CENPE: variants seen among roughly 807,000 people sequenced by gnomAD.
CENPE encodes the protein centromere-associated protein E.
Under a neutral mutation model 336.1 loss-of-function variants are expected in CENPE, and 145 were observed. The observed-to-expected ratio is 0.43, with a 90% confidence interval of 0.38 to 0.50. The LOEUF (loss-of-function observed/expected upper bound fraction) is 0.50, where lower values mean the gene tolerates loss of function less well. CENPE is among the 20% of genes least tolerant of loss of function. The pLI is 0.00. For missense variants in CENPE, 2,719 were observed against 3,023.3 expected (o/e 0.90, Z 2.36); for synonymous variants, 1,013 against 984.8 (o/e 1.03, Z -0.54).
chr4:103,169,267 A>G (rs939382120), intron 16 of CENPE, among the ~76,000 whole-genome samples: 1 of 152,144 alleles, frequency 6.6e-6, no homozygotes, highest in Non-Finnish European at 1.5e-5. Context: ...AAAAGGATGA[A>G]AAGGAATGAA....
Position 103,176,060 on chromosome 4 carries a change from GAA to G in CENPE, c.1391-14_1391-13del. 6 of 1,439,250 alleles carry G rather than the reference GAA, an allele frequency of 4.2e-6. No individual in the cohort carries two copies. Among genetic ancestry groups the G allele is most frequent in the Non-Finnish European group, 5.6e-6 (6 of 1,069,742 alleles). 89.2% of individuals were successfully genotyped at this position (1,439,250 alleles called of 1,614,324 possible). On this transcript the variant is annotated splice_polypyrimidine_tract_variant and intron_variant, in intron 14 of 48. Coordinates refer to ENST00000265148, the MANE Select transcript of CENPE (RefSeq NM_001813.3). Reference sequence around the variant, plus strand: ...CTCTGAACAGACAGCTATAATTAGAGAAAAAAAAAATTTGTCCATGAACATGT... The same window carrying G: ...CTCTGAACAGACAGCTATAATTAGAGAAAAAAAATTTGTCCATGAACATGT...
intron 8 of CENPE, among the ~76,000 whole-genome samples, chr4:103,186,270 G>A (rs545331582): frequency 5.1e-4 from 77 of 152,204 alleles, no homozygotes; most frequent in African/African-American, 1.5e-3. Context: ...CCTTTATTCA[G>A]TTAGTTCTAA....
At chr4:103,144,862 C>T (rs1258365669) in intron 32 of CENPE, among the ~76,000 whole-genome samples, 188 bp downstream of exon 32, 2 of 152,116 alleles carry the variant, frequency 1.3e-5, no homozygotes, top group African/African-American at 4.8e-5. Flanking sequence ...GAGCTGTCTT[C>T]TCTGAAATAT....
In CENPE at chr4:103,116,590, C is replaced by A; in HGVS notation, c.7429G>T (p.Glu2477Ter). 1 of 1,536,272 alleles carries A rather than the reference C, an allele frequency of 6.5e-7. No individual in the cohort carries two copies. Among genetic ancestry groups the A allele is most frequent in the Non-Finnish European group, 8.8e-7 (1 of 1,132,902 alleles). Reference sequence around the variant, plus strand: ...ACAAATACGTACTCCTTTTCAAATTCTTTGGCATTTTTCATTTTCTCTAGG... The same window carrying A: ...ACAAATACGTACTCCTTTTCAAATTATTTGGCATTTTTCATTTTCTCTAGG... ...IDLEKMKNAK[E>*]FEKEISATKA... Residue 2477 changes from glutamate to a stop codon, truncating the protein, a stop_gained, in exon 45 of 49, where the codon GAA becomes TAA. Transcript: ENST00000265148. LOFTEE classifies it high-confidence loss of function.
intron 26 of CENPE, among the ~76,000 whole-genome samples, chr4:103,150,660 T>C (rs959216868): frequency 6.6e-6 from 1 of 152,170 alleles, no homozygotes; most frequent in African/African-American, 2.4e-5. Context: ...TTATCTATTA[T>C]GCAAGTGGCA....
chr4:103,146,294 G>A (rs1753051365), intron 29 of CENPE, among the ~76,000 whole-genome samples, 187 bp from the exon 30 acceptor site: 1 of 152,318 alleles, frequency 6.6e-6, no homozygotes, highest in African/African-American at 2.4e-5. Context: ...AGGTCTCACT[G>A]TGTTGTCAGC....
At position 103,158,876 on chromosome 4, in the gene CENPE, T is replaced by C. The variant is rs151015099; in HGVS notation, c.2612A>G (p.Lys871Arg). 41 of 1,596,320 alleles carry C rather than the reference T, an allele frequency of 2.6e-5. No individual in the cohort carries two copies. In the African/African-American group the frequency reaches 4.9e-4, roughly 19 times the overall value. Reference sequence around the variant, plus strand: ...TGTTTTCTCCTGAAGTTCTTGGGTCTTGTAAGAAAGCTTTAAAAAAGAAAA... The same window carrying C: ...TGTTTTCTCCTGAAGTTCTTGGGTCCTGTAAGAAAGCTTTAAAAAAGAAAA... ...LGALKTELSY[K>R]TQELQEKTRE... Residue 871 changes from lysine (K) to arginine (R), a missense_variant, in exon 23 of 49, where the codon AAG becomes AGG. Lys to Arg is a conservative substitution (Grantham distance 26). Transcript: ENST00000265148.
rs1752575205 is a variant in CENPE, at chr4:103,141,688, C to G, written c.5463+62G>C. The G allele has an allele frequency of 2.5e-6, 3 of 1,217,200 alleles. No homozygotes were observed. The African/African-American group carries it at 4.6e-5, about 19-fold the overall frequency. The allele number at this position is 1,217,200 out of a possible 1,614,324, so 75.4% of individuals were successfully genotyped here. A position where few individuals can be genotyped will look rare whatever the true frequency, so the allele number is the denominator to read the frequency against. On this transcript the variant is annotated intron_variant, in intron 35 of 48. Coordinates refer to ENST00000265148, the MANE Select transcript of CENPE (RefSeq NM_001813.3). ...CAGTGTGGTTGAACCATTTTATATC[C>G]CCAACAATTTTAGGCACAAACAAAT... is the stretch of plus-strand genomic sequence containing the variant.
intron 11 of CENPE, among the ~76,000 whole-genome samples, chr4:103,182,154 C>T (rs145774524): frequency 0.014 from 2,046 of 151,408 alleles, 36 homozygotes; most frequent in African/African-American, 0.047. Context: ...TGCAATGGCG[C>T]GATCTCGGCT....
intron 46 of CENPE, among the ~76,000 whole-genome samples, chr4:103,112,513 T>C (rs1457355564): frequency 1.4e-5 from 2 of 143,980 alleles, no homozygotes; most frequent in African/African-American, 2.5e-5. Context: ...CATGTATATA[T>C]ACACATATAC....
intron 8 of CENPE, among the ~76,000 whole-genome samples, chr4:103,193,148 G>C (rs1423987484): frequency 6.6e-6 from 1 of 151,998 alleles, no homozygotes; most frequent in East Asian, 1.9e-4. Flanking sequence ...ACAAATGACA[G>C]AGCATCACGT....
At chr4:103,183,132 A>C (rs1464117662) in intron 10 of CENPE, 69 bp downstream of exon 10, 1 of 1,184,076 alleles carries the variant, frequency 8.4e-7, no homozygotes, top group East Asian at 2.4e-5. Context: ...TGTCATCGAA[A>C]TGTTGCAATG....
In CENPE at chr4:103,140,997, TTTTA is replaced by T; in HGVS notation, c.5567_5570del (p.Ile1856LysfsTer5). 1.2e-6 allele frequency: 2 copies of T among 1,610,868 alleles called. No homozygotes were observed. Among genetic ancestry groups the T allele is most frequent in the Non-Finnish European group, 1.7e-6 (2 of 1,177,648 alleles). The stretch of plus-strand genomic sequence containing the variant: ...ATTTACTCAGAGTTAAGCTTTGGTC[TTTTA>T]TTTGTTTCTTTAGTTGCTCCATTTC... On this transcript the variant is annotated frameshift_variant, in exon 36 of 49. Coordinates refer to ENST00000265148, the MANE Select transcript of CENPE (RefSeq NM_001813.3). LOFTEE classifies it high-confidence loss of function.
At chr4:103,188,481 A>G (rs1161642270) in intron 8 of CENPE, among the ~76,000 whole-genome samples, 2 of 152,234 alleles carry the variant, frequency 1.3e-5, no homozygotes, top group Non-Finnish European at 2.9e-5. Flanking sequence ...ACTCAGGATT[A>G]AGAAACTCAC....
intron 16 of CENPE, among the ~76,000 whole-genome samples, chr4:103,172,213 C>G (rs1053662326): frequency 1.3e-5 from 2 of 151,982 alleles, no homozygotes; most frequent in African/African-American, 4.8e-5. Context: ...GAACAAAATA[C>G]TATAAAACTG....
intron 47 of CENPE, among the ~76,000 whole-genome samples, chr4:103,109,361 T>G (rs183521086): frequency 6.6e-5 from 10 of 152,262 alleles, no homozygotes; most frequent in Non-Finnish European, 5.9e-5. Flanking sequence ...AGTACAACAT[T>G]AGGTTTTCAA....
intron 16 of CENPE, among the ~76,000 whole-genome samples, chr4:103,172,594 A>G (rs768790795): frequency 7.9e-5 from 12 of 152,036 alleles, no homozygotes; most frequent in Non-Finnish European, 1.5e-4. Context: ...AGGAAGTTCT[A>G]GCTAGAGCTA....
At chr4:103,112,710 TTATAAGTATATAAGTGTATA>T (rs1749602484) in intron 46 of CENPE, among the ~76,000 whole-genome samples, 1 of 127,862 alleles carries the variant, frequency 7.8e-6, no homozygotes, top group African/African-American at 2.9e-5. Context: ...ATATATATAC[TTATAAGTATATAAGTGTATA>T]TATATACTTA....
At chr4:103,171,708 G>T (rs1213371306) in intron 16 of CENPE, among the ~76,000 whole-genome samples, 2 of 141,974 alleles carry the variant, frequency 1.4e-5, no homozygotes, top group Admixed American at 1.4e-4. Flanking sequence ...AAAATAAAGA[G>T]TTTTTTTTTT....
Sources: allele counts gnomAD v4.1 joint callset (sites outside exome capture counted in the v4.1 genomes callset), GRCh38; gene constraint gnomAD v4.1.1; transcripts MANE v1.5; gene names NCBI Gene and HGNC (gene_info 2026-07-23, HGNC 2026-07-21).